SMG1: variants seen among roughly 807,000 people sequenced by gnomAD.
SMG1 encodes the protein SMG1 nonsense mediated mRNA decay associated PI3K related kinase.
SMG1 carries 22 observed loss-of-function variants against 419.9 expected under a neutral mutation model. The ratio of observed to expected loss-of-function variants is 0.05; its 90% CI spans 0.04 to 0.07. The LOEUF (loss-of-function observed/expected upper bound fraction) is 0.07. Ranked by LOEUF, SMG1 falls within the 10% of genes least tolerant of loss-of-function variation. The probability of loss-of-function intolerance (pLI) is 1.00; values close to 1 mark genes in which losing one functional copy is unlikely to be tolerated. For synonymous variants in SMG1, 1,538 were observed against 1,553.5 expected (o/e 0.99, Z 0.23); for missense variants, 3,185 against 4,342.0 (o/e 0.73, Z 7.49).
chr16:18,916,477 C>T lies in SMG1; in HGVS notation c.92+9473G>A, dbSNP rs535730820. 1.6e-4 allele frequency among the ~76,000 whole-genome samples: 22 copies of T among 134,184 alleles called. 2 individuals are homozygous for T. The East Asian group carries it at 4.8e-3, about 29-fold the overall frequency. The allele number at this position is 134,184 out of a possible 152,430, so 88.0% of individuals were successfully genotyped here. ...CCTGCAGTGAGCCGAGATCCTGCCA[C>T]TGCACTCCAGCGTGGGCGACGGTGA... On this transcript the variant is annotated intron_variant, in intron 1 of 62. Transcript: ENST00000446231.
chr16:18,835,634 A>G (rs2033512500), intron 48 of SMG1, among the ~76,000 whole-genome samples: 1 of 152,168 alleles, frequency 6.6e-6, no homozygotes, highest in African/African-American at 2.4e-5. Context: ...GGCCAGGCGC[A>G]GTGGCTCACG....
At chr16:18,855,045 C>A in intron 29 of SMG1, 141 bp from the exon 30 acceptor site, 1 of 732,560 alleles carries the variant, frequency 1.4e-6, no homozygotes, top group Non-Finnish European at 2.2e-6. Context: ...AAATCCCTAG[C>A]AGCTAGCACA....
At chr16:18,847,760 A>T in intron 37 of SMG1, 56 bp downstream of exon 37, 4 of 1,590,074 alleles carry the variant, frequency 2.5e-6, no homozygotes, top group Non-Finnish European at 2.6e-6. Flanking sequence ...GATTGGCAAA[A>T]GCAATTTTTA....
rs867768438 is a variant in SMG1 at position 18,831,790 on chromosome 16, T to C, written c.8792+1150A>G. ...AAAAAAATACATATATATATATATATACACACACACGTACATATTTATGAA... is the reference window on the plus strand; with the variant it reads ...AAAAAAATACATATATATATATATACACACACACACGTACATATTTATGAA... On this transcript the variant is annotated intron_variant, in intron 51 of 62. Transcript: ENST00000446231. 1.7e-3 allele frequency among the ~76,000 whole-genome samples: 228 copies of C among 137,316 alleles called. 2 individuals carry two copies. Among genetic ancestry groups the C allele is most frequent in the East Asian group, 8.5e-3 (43 of 5,034 alleles). The allele number at this position is 137,316 out of a possible 152,430, so 90.1% of individuals were successfully genotyped here.
Position 18,814,781 on chromosome 16 carries a change from T to A in SMG1, c.10621+394A>T, listed in dbSNP as rs775434443. 1.2e-3 allele frequency among the ~76,000 whole-genome samples: 178 copies of A among 152,088 alleles called. 1 individual carries two copies. The highest frequency in any genetic ancestry group is 1.9e-3 in the Non-Finnish European group (132 of 67,996). On this transcript the variant is annotated intron_variant, in intron 60 of 62. Transcript: ENST00000446231. ...TTAGTAGAGACAAGGTTTCACCATG[T>A]TGGCCCGACTGGTCTCAAACACCTG... is the stretch of plus-strand genomic sequence containing the variant.
chr16:18,879,435 T>A, intron 11 of SMG1, 60 bp downstream of exon 11: 1 of 1,222,188 alleles, frequency 8.2e-7, no homozygotes, highest in South Asian at 1.3e-5. Flanking sequence ...ATTTCTTACA[T>A]ATCGATTTAA....
At chr16:18,847,755 G>A in intron 37 of SMG1, 61 bp downstream of exon 37, 1 of 1,580,490 alleles carries the variant, frequency 6.3e-7, no homozygotes, top group Non-Finnish European at 8.6e-7. Context: ...ATACAGATTG[G>A]CAAAAGCAAT....
intron 35 of SMG1, among the ~76,000 whole-genome samples, chr16:18,849,586 T>C (rs2034477508): frequency 6.6e-6 from 1 of 152,208 alleles, no homozygotes; most frequent in Admixed American, 6.5e-5. Context: ...GATACAGAGC[T>C]GTAATCAAAG....
chr16:18,839,599 G>T, intron 42 of SMG1, 99 bp downstream of exon 42: 1 of 1,473,948 alleles, frequency 6.8e-7, no homozygotes, highest in Non-Finnish European at 9.3e-7. Context: ...AGTCTGGAGG[G>T]ACAGAGGAAG....
chr16:18,888,820 CTTTTTTTT>C (rs71141087), intron 6 of SMG1, among the ~76,000 whole-genome samples: 12,409 of 112,072 alleles, frequency 0.11, 704 homozygotes, highest in African/African-American at 0.2. Flanking sequence ...CAACATGTAT[CTTTTTTTT>C]TTTTTTTTTT....
intron 31 of SMG1, 46 bp downstream of exon 31, chr16:18,853,536 AT>A (rs1401186207): frequency 6.3e-6 from 9 of 1,431,902 alleles, no homozygotes. Context: ...ACAGAAAAAA[AT>A]ATAGCTTCTA....
chr16:18,913,199 A>G (rs2037853922), intron 1 of SMG1, among the ~76,000 whole-genome samples: 1 of 152,128 alleles, frequency 6.6e-6, no homozygotes, highest in Admixed American at 6.6e-5. Flanking sequence ...AACTTCCACT[A>G]TTAAAATCAA....
At chr16:18,871,105 A>G (rs891202153) in intron 16 of SMG1, among the ~76,000 whole-genome samples, 1 of 152,232 alleles carries the variant, frequency 6.6e-6, no homozygotes. Flanking sequence ...TCATCACACA[A>G]AACTTTTTCT....
At chr16:18,915,398 C>T (rs974184700) in intron 1 of SMG1, among the ~76,000 whole-genome samples, 7 of 152,136 alleles carry the variant, frequency 4.6e-5, no homozygotes, top group Non-Finnish European at 1.0e-4. Flanking sequence ...ATAAGAGGAA[C>T]GCTTTCCCCA....
intron 8 of SMG1, 119 bp downstream of exon 8, chr16:18,884,971 C>G (rs943326150): frequency 3.1e-6 from 2 of 648,214 alleles, no homozygotes; most frequent in African/African-American, 3.7e-5. Flanking sequence ...TACAATAAAA[C>G]ATTTCTCTGA....
At chr16:18,841,436 T>A in intron 41 of SMG1, 129 bp downstream of exon 41, 1 of 658,620 alleles carries the variant, frequency 1.5e-6, no homozygotes, top group Non-Finnish European at 2.6e-6. Context: ...AAAAATACTC[T>A]CCTAGGGACC....
chr16:18,867,526 AAAATAAATAAATAAATAAATAAAT>A (rs139133406), intron 22 of SMG1, among the ~76,000 whole-genome samples: 1 of 142,078 alleles, frequency 7.0e-6, no homozygotes, highest in African/African-American at 2.6e-5. Context: ...TGTGTCTCAA[AAAATAAATAAATAAATAAATAAAT>A]AAATAAATAA....
intron 22 of SMG1, among the ~76,000 whole-genome samples, chr16:18,867,772 G>A (rs999813347): frequency 4.7e-4 from 64 of 135,042 alleles, no homozygotes; most frequent in African/African-American, 1.3e-3. Flanking sequence ...GCAGTGGTGC[G>A]ATCTCGGTTC....
chr16:18,857,066 A>G (rs960294546), intron 29 of SMG1: 5 of 152,216 alleles, frequency 3.3e-5, no homozygotes, highest in Non-Finnish European at 7.3e-5. Context: ...ATTTGCCCTA[A>G]GGTTCCTCAA....
Sources: allele counts gnomAD v4.1 joint callset (sites outside exome capture counted in the v4.1 genomes callset), GRCh38; gene constraint gnomAD v4.1.1; transcripts MANE v1.5; gene names NCBI Gene and HGNC (gene_info 2026-07-23, HGNC 2026-07-21).